FGD5: variants seen among roughly 807,000 people sequenced by gnomAD.
FGD5 encodes the protein FYVE, RhoGEF and PH domain-containing protein 5.
Under a neutral mutation model 133.4 loss-of-function variants are expected in FGD5, and 28 were observed. That is an observed-to-expected ratio of 0.21 (90% CI 0.16 to 0.29). The LOEUF is 0.29. Among genes scored for constraint, FGD5 ranks in the 10% least tolerant of loss-of-function variants. The pLI is 1.00. For missense variants in FGD5, 1,858 were observed against 1,895.2 expected (o/e 0.98, Z 0.36); for synonymous variants, 810 against 776.5 (o/e 1.04, Z -0.72).
At position 14,933,154 on chromosome 3, in the gene FGD5, C is replaced by A. The variant is rs771379491; in HGVS notation, c.4376C>A (p.Ala1459Glu). 1.2e-6 allele frequency: 2 copies of A among 1,613,578 alleles called. No individual in the cohort carries two copies. Among genetic ancestry groups the A allele is most frequent in the Middle Eastern group, 1.6e-4 (1 of 6,062 alleles). The stretch of plus-strand genomic sequence containing the variant: ...AGGTGGATCGAGGCCATGGAAGATG[C>A]GAGTGTGTTATAGCAGTTATCAAGC... ...AQRWIEAMEDASVL is the reference protein window; with the variant it reads ...AQRWIEAMEDESVL Residue 1459 changes from alanine (A) to glutamate (E), a missense_variant, in exon 20 of 20, where the codon GCG becomes GAG. Ala to Glu is a moderately radical substitution (Grantham distance 107, BLOSUM62 -1). Around this residue, in one of 3 missense-constraint regions of FGD5, gnomAD observed 1,824 missense variants for 1,848.9 expected, o/e 0.99. Transcript: ENST00000285046.
chr3:14,886,250 C>G (rs1178035254), intron 4 of FGD5, among the ~76,000 whole-genome samples: 2 of 152,130 alleles, frequency 1.3e-5, no homozygotes. Context: ...GGGTTAGTCC[C>G]CTGAAAGCTT....
chr3:14,920,532 T>A (rs2038655885), intron 13 of FGD5: 1 of 152,090 alleles, frequency 6.6e-6, no homozygotes, highest in Admixed American at 6.5e-5. Context: ...CACACCTCAG[T>A]GCCAGGTCTG....
intron 1 of FGD5, among the ~76,000 whole-genome samples, chr3:14,837,499 G>A (rs548138595): frequency 1.1e-3 from 165 of 152,314 alleles, no homozygotes; most frequent in Non-Finnish European, 1.8e-3. Flanking sequence ...GCATTGGCTG[G>A]AGGACTAGCC....
At chr3:14,838,446 T>A (rs2036859655) in intron 1 of FGD5, among the ~76,000 whole-genome samples, 1 of 152,174 alleles carries the variant, frequency 6.6e-6, no homozygotes, top group Non-Finnish European at 1.5e-5. Flanking sequence ...GAGTGGACAT[T>A]TTGAGGGCTT....
chr3:14,897,870 C>G lies in FGD5; in HGVS notation c.2910-69C>G, dbSNP rs192236786. ...GCACCCAGGGATGTGACTCCAGGCC[C>G]CCTGCTTCTAACCCTGCGTTGGTTA... On this transcript the variant is annotated intron_variant, in intron 5 of 19. Transcript: ENST00000285046. The G allele has an allele frequency of 1.3e-5, 20 of 1,589,096 alleles. No individual in the cohort carries two copies. The East Asian group carries it at 4.5e-4, about 36-fold the overall frequency.
intron 4 of FGD5, among the ~76,000 whole-genome samples, chr3:14,888,592 A>G (rs2037967298): frequency 1.3e-5 from 2 of 152,214 alleles, no homozygotes. Flanking sequence ...CTTTTTTTAA[A>G]GTTAAAATAA....
intron 10 of FGD5, among the ~76,000 whole-genome samples, chr3:14,910,562 G>A (rs2038428675): frequency 6.6e-6 from 1 of 152,138 alleles, no homozygotes. Flanking sequence ...TAATGTTAAG[G>A]ATTTTAGACT....
intron 1 of FGD5, among the ~76,000 whole-genome samples, chr3:14,853,646 T>C (rs2037212098): frequency 7.9e-6 from 1 of 126,964 alleles, no homozygotes; most frequent in African/African-American, 2.9e-5. Context: ...CTTTTTTTTT[T>C]TTTTTTTTTT....
At chr3:14,869,030 C>T (rs2037554465) in intron 2 of FGD5, among the ~76,000 whole-genome samples, 2 of 152,158 alleles carry the variant, frequency 1.3e-5, no homozygotes, top group African/African-American at 4.8e-5. Flanking sequence ...CACGGTGGCT[C>T]ACACCTGTAA....
chr3:14,907,692 A>T lies in FGD5; in HGVS notation c.3317A>T (p.Asp1106Val). The T allele has an allele frequency of 6.2e-7, 1 of 1,613,682 alleles. No individual in the cohort carries two copies. Among genetic ancestry groups the T allele is most frequent in the Non-Finnish European group, 8.5e-7 (1 of 1,179,724 alleles). ...GAGCACAGCGTCCGGGGCCAAGGGGATCTCCTCCAGCCAGGAAGGGTGAGT... is the reference window on the plus strand; with the variant it reads ...GAGCACAGCGTCCGGGGCCAAGGGGTTCTCCTCCAGCCAGGAAGGGTGAGT... Reference protein sequence around the residue: ...HIEHSVRGQGDLLQPGREFLK... With the variant: ...HIEHSVRGQGVLLQPGREFLK... Residue 1106 changes from aspartate (D) to valine (V), a missense_variant, in exon 10 of 20, where the codon GAT (aspartate) becomes GTT (valine). Transcript: ENST00000285046.
At chr3:14,901,624 A>G (rs1352004550) in intron 9 of FGD5, among the ~76,000 whole-genome samples, 1 of 152,156 alleles carries the variant, frequency 6.6e-6, no homozygotes, top group East Asian at 1.9e-4. Context: ...CTCTGTGTTG[A>G]CAATGGTTCC....
chr3:14,820,486 C>G lies in FGD5; in HGVS notation c.1415C>G (p.Pro472Arg), dbSNP rs771666762. ...TGTGAGGCAGAGGGTGGCCTGGTTC[C>G]CGCGGACAGGAAGAACACCAGCACG... ...LNCEAEGGLV[P>R]ADRKNTSTRV... The change falls in exon 1 of 20, where the codon CCC (proline) becomes CGC (arginine). Residue 472 changes from proline (P) to arginine (R), a missense_variant. Pro to Arg is a moderately radical substitution (Grantham distance 103). Coordinates refer to ENST00000285046, the MANE Select transcript of FGD5 (RefSeq NM_152536.4). 1.9e-6 allele frequency: 3 copies of G among 1,613,942 alleles called. No homozygotes were observed. The Admixed American group carries it at 5.0e-5, about 27-fold the overall frequency.
At chr3:14,855,652 T>G (rs567377274) in intron 1 of FGD5, among the ~76,000 whole-genome samples, 7 of 116,152 alleles carry the variant, frequency 6.0e-5, no homozygotes, top group South Asian at 2.6e-4. Context: ...CATTTGTATG[T>G]TTTTTTTTTG....
intron 1 of FGD5, among the ~76,000 whole-genome samples, chr3:14,859,090 A>C (rs777894418): frequency 5.9e-5 from 9 of 152,192 alleles, no homozygotes; most frequent in South Asian, 4.1e-4. Flanking sequence ...TTTTAAAGAC[A>C]TTTCTAGACC....
At chr3:14,909,527 C>T (rs2038405551) in intron 10 of FGD5, among the ~76,000 whole-genome samples, 1 of 152,164 alleles carries the variant, frequency 6.6e-6, no homozygotes, top group African/African-American at 2.4e-5. Context: ...ATCTGAAATA[C>T]CATGACAGAT....
At chr3:14,916,711 C>A (rs2038562435) in intron 11 of FGD5, among the ~76,000 whole-genome samples, 1 of 152,164 alleles carries the variant, frequency 6.6e-6, no homozygotes, top group Admixed American at 6.5e-5. Context: ...TTCATTTCTC[C>A]CAACCCTGGG....
Position 14,898,053 on chromosome 3 carries a change from C to T in FGD5, c.3024C>T (p.Cys1008=). Residue 1008 remains cysteine, a synonymous_variant, in exon 6 of 20, where the codon TGC becomes TGT. Coordinates refer to ENST00000285046, the MANE Select transcript of FGD5 (RefSeq NM_152536.4). ...DRYLGLLSEN[C]LHSPRLAAAV... ...ACCTAGGTCTGCTCAGTGAGAATTG[C>T]CTCCACTCTCCCCGGCTGGCAGCTG... 1 of 1,613,994 alleles carries T rather than the reference C, an allele frequency of 6.2e-7. No homozygotes were observed. Among genetic ancestry groups the T allele is most frequent in the Non-Finnish European group, 8.5e-7 (1 of 1,179,890 alleles).
intron 1 of FGD5, among the ~76,000 whole-genome samples, chr3:14,840,886 G>A (rs770537112): frequency 7.9e-5 from 12 of 152,122 alleles, no homozygotes; most frequent in Non-Finnish European, 1.6e-4. Context: ...TTATTTAACT[G>A]TGTATTATAA....
intron 1 of FGD5, among the ~76,000 whole-genome samples, 183 bp from the exon 2 acceptor site, chr3:14,863,945 A>C (rs2037447244): frequency 6.6e-6 from 1 of 152,198 alleles, no homozygotes; most frequent in Non-Finnish European, 1.5e-5. Flanking sequence ...GGGCAGCAAG[A>C]GCCTGGTGTG....
Sources: gnomAD v4.1 joint callset for allele counts (sites outside exome capture counted in the v4.1 genomes callset) on GRCh38, gnomAD v4.1.1 for gene constraint, gnomAD v4.1.1 regional missense constraint, MANE v1.5 for transcripts, NCBI Gene and HGNC (gene_info 2026-07-23, HGNC 2026-07-21) for gene names.